Variants in CACNA1C observed in about 807,000 individuals in gnomAD.
CACNA1C encodes calcium voltage-gated channel subunit alpha1 C, also known as voltage-dependent L-type calcium channel subunit alpha-1C.
A neutral mutation model predicts 229.0 loss-of-function variants in CACNA1C; 30 were observed. That is an observed-to-expected ratio of 0.13 (90% confidence interval 0.10 to 0.18). The LOEUF (loss-of-function observed/expected upper bound fraction) is 0.18. Among genes scored for constraint, CACNA1C ranks in the 10% least tolerant of loss-of-function variants. The pLI, the probability that CACNA1C is intolerant of heterozygous loss-of-function variation, is 1.00. For missense variants in CACNA1C, 1,658 were observed against 2,845.0 expected, an observed-to-expected ratio of 0.58 and a Z score of 9.49; for synonymous variants, 1,114 against 1,132.5, an observed-to-expected ratio of 0.98 and a Z score of 0.33.
At chr12:2,007,980 T>C (rs1268347413) in intron 1 of CACNA1C, among the ~76,000 whole-genome samples, 1 of 152,248 alleles carries the variant, frequency 6.6e-6, no homozygotes, top group African/African-American at 2.4e-5. Flanking sequence ...ACAGTCATTG[T>C]AATAAAAGAG....
intron 3 of CACNA1C, among the ~76,000 whole-genome samples, chr12:2,286,809 C>T (rs1388422858): frequency 6.6e-6 from 1 of 152,166 alleles, no homozygotes; most frequent in Non-Finnish European, 1.5e-5. Context: ...TATGTTTTTT[C>T]TTACTGAGCA....
At chr12:2,112,581 G>A (rs1444479439) in intron 1 of CACNA1C, among the ~76,000 whole-genome samples, 2 of 152,300 alleles carry the variant, frequency 1.3e-5, no homozygotes, top group Non-Finnish European at 2.9e-5. Flanking sequence ...AATTTTCCAG[G>A]CCTTGAGGAG....
Position 2,122,216 on chromosome 12 carries a change from A to G in CACNA1C, c.477+1786A>G, listed in dbSNP as rs1371789848. Reference sequence around the variant, plus strand: ...CAGGTTTTTATCACATCACAGAGTGATGGAAGAATTCTAAAGGAGGTGGTG... The same window carrying G: ...CAGGTTTTTATCACATCACAGAGTGGTGGAAGAATTCTAAAGGAGGTGGTG... On this transcript the variant is annotated intron_variant, in intron 3 of 46. Coordinates refer to ENST00000399655, the MANE Select transcript of CACNA1C (RefSeq NM_000719.7). Among the ~76,000 whole-genome samples the G allele has an allele frequency of 2.6e-5, 4 of 152,276 alleles. No homozygotes were observed. The South Asian group carries it at 6.2e-4, about 24-fold the overall frequency.
At chr12:2,401,662 C>T (rs1328030652) in intron 3 of CACNA1C, among the ~76,000 whole-genome samples, 3 of 152,234 alleles carry the variant, frequency 2.0e-5, no homozygotes, top group Admixed American at 6.5e-5. Context: ...ATTACTTAAC[C>T]TCCCTATGCC....
At chr12:2,239,468 C>T (rs568560988) in intron 3 of CACNA1C, among the ~76,000 whole-genome samples, 100 of 152,262 alleles carry the variant, frequency 6.6e-4, no homozygotes, top group African/African-American at 2.1e-3. Flanking sequence ...CAGTCCCTGA[C>T]GTCAAAAGGG....
intron 42 of CACNA1C, chr12:2,681,843 C>A: frequency 1.4e-6 from 1 of 728,916 alleles, no homozygotes. Flanking sequence ...GCCCAGCATG[C>A]AAGGTCTATA....
chr12:2,121,674 A>G (rs1183163656), intron 3 of CACNA1C, among the ~76,000 whole-genome samples: 1 of 152,174 alleles, frequency 6.6e-6, no homozygotes, highest in Non-Finnish European at 1.5e-5. Flanking sequence ...CCGAAGCGTG[A>G]CCTCATCTCT....
At chr12:2,026,580 G>A (rs901109016) in intron 1 of CACNA1C, among the ~76,000 whole-genome samples, 4 of 152,162 alleles carry the variant, frequency 2.6e-5, no homozygotes, top group Non-Finnish European at 5.9e-5. Context: ...AATTGGATGC[G>A]TGGGAAGTTG....
chr12:2,280,730 C>G (rs2090923164), intron 3 of CACNA1C, among the ~76,000 whole-genome samples: 1 of 145,014 alleles, frequency 6.9e-6, no homozygotes, highest in African/African-American at 2.6e-5. Context: ...GGTTTAACCT[C>G]TTGATACCTT....
At chr12:2,606,943 A>G in intron 25 of CACNA1C, 41 bp from the exon 26 acceptor site, 3 of 1,605,238 alleles carry the variant, frequency 1.9e-6, no homozygotes, top group Non-Finnish European at 2.6e-6. Flanking sequence ...GTGAAGGAAG[A>G]TGGGAGATCC....
intron 3 of CACNA1C, among the ~76,000 whole-genome samples, chr12:2,121,735 C>T (rs901217949): frequency 2.1e-4 from 32 of 152,238 alleles, no homozygotes; most frequent in African/African-American, 7.7e-4. Context: ...GCCAAAGTGT[C>T]TCCCTGAAGC....
In CACNA1C at chr12:2,633,501, G is replaced by A. The variant is rs987869529; in HGVS notation, c.3829-796G>A. On this transcript the variant is annotated intron_variant, in intron 29 of 46. Coordinates refer to ENST00000399655, the MANE Select transcript of CACNA1C (RefSeq NM_000719.7). The surrounding 1 kb of genome is among the most constrained non-coding windows in gnomAD (Gnocchi z 5.8). The stretch of plus-strand genomic sequence containing the variant: ...GTGCTCCTGGGCTCCTGGCCATGGT[G>A]AGGGCGTCCGGAACTCCAGAGGCAA... 1.0e-5 allele frequency: 7 copies of A among 695,568 alleles called. No homozygotes were observed. The African/African-American group carries it at 1.3e-4, about 13-fold the overall frequency. The allele number at this position is 695,568 out of a possible 1,614,324, so 43.1% of individuals were successfully genotyped here. A position where few individuals can be genotyped will look rare whatever the true frequency, so the allele number is the denominator to read the frequency against.
intron 9 of CACNA1C, among the ~76,000 whole-genome samples, chr12:2,521,328 C>G (rs1462304041): frequency 1.3e-5 from 2 of 152,184 alleles, no homozygotes; most frequent in Non-Finnish European, 2.9e-5. Flanking sequence ...CAGGGAGCCA[C>G]CGGGACCTCT....
At chr12:1,995,409 T>C (rs1462262176) in intron 1 of CACNA1C, among the ~76,000 whole-genome samples, 1 of 152,274 alleles carries the variant, frequency 6.6e-6, no homozygotes, top group Non-Finnish European at 1.5e-5. Flanking sequence ...AGAGTGCTCA[T>C]ACTCTACCCA....
intron 1 of CACNA1C, among the ~76,000 whole-genome samples, chr12:2,103,393 C>T (rs183651550): frequency 3.9e-5 from 6 of 152,232 alleles, no homozygotes; most frequent in African/African-American, 7.2e-5. Flanking sequence ...TGAGAAGTGT[C>T]TGTTCATATC....
chr12:2,376,574 C>T (rs1049575782), intron 3 of CACNA1C, among the ~76,000 whole-genome samples: 1 of 152,140 alleles, frequency 6.6e-6, no homozygotes, highest in Admixed American at 6.5e-5. Flanking sequence ...GAGCTGCTGG[C>T]GGCAAACTTT....
chr12:2,386,237 C>A (rs1054888796), intron 3 of CACNA1C, among the ~76,000 whole-genome samples: 1 of 152,156 alleles, frequency 6.6e-6, no homozygotes, highest in African/African-American at 2.4e-5. Context: ...CCCCTGCCCC[C>A]CAACAAGTCA....
At chr12:2,428,539 G>A (rs1214953458) in intron 3 of CACNA1C, among the ~76,000 whole-genome samples, 1 of 152,156 alleles carries the variant, frequency 6.6e-6, no homozygotes, top group South Asian at 2.1e-4. Flanking sequence ...TGAGTGCCCC[G>A]TGTGTGTGGC....
intron 9 of CACNA1C, among the ~76,000 whole-genome samples, chr12:2,522,013 G>A (rs1452218773): frequency 1.3e-5 from 2 of 152,216 alleles, no homozygotes; most frequent in Admixed American, 6.5e-5. Flanking sequence ...ACTGCATCTT[G>A]TTTTCCAGAA....
Sources: gnomAD v4.1 joint callset for allele counts (sites outside exome capture counted in the v4.1 genomes callset) on GRCh38, gnomAD v4.1.1 for gene constraint, Gnocchi (gnomAD v3.1) non-coding constraint, MANE v1.5 for transcripts, NCBI Gene and HGNC (gene_info 2026-07-23, HGNC 2026-07-21) for gene names.